Variants in CACNB2 observed in about 807,000 individuals in gnomAD.
The protein encoded by CACNB2 is voltage-dependent L-type calcium channel subunit beta-2.
A neutral mutation model predicts 73.3 loss-of-function variants in CACNB2; 42 were observed. The observed-to-expected ratio is 0.57, with a 90% confidence interval of 0.45 to 0.74. The LOEUF is 0.74. Among genes scored for constraint, CACNB2 ranks in the 30% least tolerant of loss-of-function variants. CACNB2 has a pLI of 0.00. For synonymous variants in CACNB2, 348 were observed against 310.3 expected (o/e 1.12, Z -1.28); for missense variants, 940 against 853.0 (o/e 1.10, Z -1.27).
chr10:18,411,884 A>G (rs948744457), intron 3 of CACNB2, among the ~76,000 whole-genome samples: 2 of 152,204 alleles, frequency 1.3e-5, no homozygotes, highest in African/African-American at 4.8e-5. Context: ...CACTATCAGC[A>G]AAATCCTTAC....
chr10:18,400,560 T>TC (rs1014431200), intron 2 of CACNB2: 6 of 983,082 alleles, frequency 6.1e-6, no homozygotes, highest in Non-Finnish European at 7.3e-6. Context: ...TCCCTCCGCC[T>TC]CCCCCCTCCC....
chr10:18,250,531 CT>C (rs2037047391), intron 2 of CACNB2, among the ~76,000 whole-genome samples: 1 of 143,884 alleles, frequency 7.0e-6, no homozygotes, highest in South Asian at 2.4e-4. Context: ...TTTTATCTCT[CT>C]CTTTTTTTTT....
Position 18,536,113 on chromosome 10 carries a change from T to C in CACNB2, c.1219T>C (p.Leu407=). The C allele has an allele frequency of 1.2e-6, 2 of 1,603,854 alleles. No individual in the cohort carries two copies. The highest frequency in any genetic ancestry group is 1.1e-5 in the South Asian group (1 of 90,824). ...TTATCTTTTACAGGTTTTACAAAGG[T>C]TAATAAAATCTCGAGGGAAATCTCA... ...KISSPKVLQR[L]IKSRGKSQAK... The change falls in exon 12 of 14, where the codon TTA becomes CTA. Residue 407 remains leucine (L), a synonymous_variant. Coordinates refer to ENST00000324631, the MANE Select transcript of CACNB2 (RefSeq NM_201596.3).
chr10:18,308,326 G>A (rs751694307), intron 2 of CACNB2, among the ~76,000 whole-genome samples: 1 of 152,076 alleles, frequency 6.6e-6, no homozygotes, highest in Non-Finnish European at 1.5e-5. Flanking sequence ...AAATGTTCAC[G>A]TTCAGGGGTA....
At chr10:18,387,645 G>A (rs1267147219) in intron 2 of CACNB2, among the ~76,000 whole-genome samples, 2 of 152,178 alleles carry the variant, frequency 1.3e-5, no homozygotes, top group East Asian at 1.9e-4. Context: ...TGTCTTAATA[G>A]TAGAAGGATC....
chr10:18,460,430 C>A (rs781489156), intron 3 of CACNB2, among the ~76,000 whole-genome samples: 9 of 152,112 alleles, frequency 5.9e-5, no homozygotes, highest in Non-Finnish European at 1.2e-4. Flanking sequence ...TTAAGTAGGA[C>A]TGACTTTTTC....
chr10:18,198,544 T>C (rs887977290), intron 2 of CACNB2, among the ~76,000 whole-genome samples: 2 of 152,150 alleles, frequency 1.3e-5, no homozygotes, highest in Non-Finnish European at 2.9e-5. Context: ...TGATATGACA[T>C]TGATGAAAAA....
intron 2 of CACNB2, among the ~76,000 whole-genome samples, chr10:18,175,452 AT>A (rs1163656347): frequency 2.0e-5 from 3 of 152,020 alleles, no homozygotes; most frequent in Non-Finnish European, 4.4e-5. Context: ...AACATGCACA[AT>A]TTTTTTTATG....
intron 2 of CACNB2, among the ~76,000 whole-genome samples, chr10:18,255,159 TTAG>T (rs1320570380): frequency 6.6e-6 from 1 of 152,212 alleles, no homozygotes; most frequent in African/African-American, 2.4e-5. Context: ...CCCACTGCTC[TTAG>T]TAGAAAGAGA....
chr10:18,464,418 T>TTAAAAAAAAAAAAAAAAA (rs1360690647), intron 3 of CACNB2, among the ~76,000 whole-genome samples: 3,541 of 84,656 alleles, frequency 0.042, 444 homozygotes, highest in Non-Finnish European at 0.059. Context: ...TCTCAAAAAT[T>TTAAAAAAAAAAAAAAAAA]AAAAAAAAAA....
chr10:18,282,378 T>A (rs543985602), intron 2 of CACNB2, among the ~76,000 whole-genome samples: 1 of 152,290 alleles, frequency 6.6e-6, no homozygotes, highest in Non-Finnish European at 1.5e-5. Context: ...GCCCCCTCCG[T>A]GTGTGAGCAC....
intron 2 of CACNB2, among the ~76,000 whole-genome samples, chr10:18,151,725 C>G (rs1221219998): frequency 2.0e-5 from 3 of 152,138 alleles, no homozygotes; most frequent in African/African-American, 4.8e-5. Flanking sequence ...CCTCTAACCC[C>G]TCTCCATGGG....
intron 3 of CACNB2, among the ~76,000 whole-genome samples, chr10:18,456,876 G>T (rs1157545500): frequency 6.6e-6 from 1 of 152,108 alleles, no homozygotes; most frequent in South Asian, 2.1e-4. Flanking sequence ...CCACAATTGG[G>T]TTTATTTGAT....
chr10:18,326,048 T>G (rs1378899913), intron 2 of CACNB2, among the ~76,000 whole-genome samples: 1 of 152,170 alleles, frequency 6.6e-6, no homozygotes, highest in Non-Finnish European at 1.5e-5. Flanking sequence ...AACCTATTTT[T>G]TCTTCATGTT....
chr10:18,477,184 G>A (rs1468787760), intron 3 of CACNB2, among the ~76,000 whole-genome samples: 1 of 152,118 alleles, frequency 6.6e-6, no homozygotes. Flanking sequence ...TAGGTTCCCT[G>A]TCTCCAGGCC....
chr10:18,280,436 C>T (rs534157050), intron 2 of CACNB2, among the ~76,000 whole-genome samples: 1 of 152,252 alleles, frequency 6.6e-6, no homozygotes, highest in Non-Finnish European at 1.5e-5. Context: ...TGAGCCTGGT[C>T]CTAAAGTCTA....
chr10:18,528,031 T>A (rs1275622262), intron 10 of CACNB2, among the ~76,000 whole-genome samples: 2 of 152,172 alleles, frequency 1.3e-5, no homozygotes, highest in African/African-American at 4.8e-5. Flanking sequence ...GAAGCCTCCA[T>A]TTCCTCATCC....
At chr10:18,150,603 C>T (rs542988593) in intron 1 of CACNB2, among the ~76,000 whole-genome samples, 13 of 152,220 alleles carry the variant, frequency 8.5e-5, no homozygotes, top group Admixed American at 4.6e-4. Flanking sequence ...GCGGAGGTTG[C>T]GGTGAGCCAA....
At chr10:18,276,702 C>T (rs2038303118) in intron 2 of CACNB2, among the ~76,000 whole-genome samples, 1 of 152,264 alleles carries the variant, frequency 6.6e-6, no homozygotes, top group East Asian at 1.9e-4. Context: ...CCGCAGCCTC[C>T]CAAGTAGCTG....
Sources: allele counts gnomAD v4.1 joint callset (sites outside exome capture counted in the v4.1 genomes callset), GRCh38; gene constraint gnomAD v4.1.1; transcripts MANE v1.5; gene names NCBI Gene and HGNC (gene_info 2026-07-23, HGNC 2026-07-21).